Variants in SNTG1 observed in about 807,000 individuals in gnomAD.
The protein encoded by SNTG1 is gamma-1-syntrophin.
A neutral mutation model predicts 74.7 loss-of-function variants in SNTG1; 39 were observed. That is an observed-to-expected ratio of 0.52 (90% CI 0.40 to 0.68). The LOEUF (loss-of-function observed/expected upper bound fraction) is 0.68. Ranked by LOEUF, SNTG1 falls within the 30% of genes least tolerant of loss-of-function variation. The pLI, the probability that SNTG1 is intolerant of heterozygous loss-of-function variation, is 0.00. For missense variants in SNTG1, 685 were observed against 609.5 expected (o/e 1.12, Z -1.30); for synonymous variants, 254 against 217.1 (o/e 1.17, Z -1.49).
intron 1 of SNTG1, among the ~76,000 whole-genome samples, chr8:50,011,001 G>A (rs1197577224): frequency 1.3e-5 from 2 of 151,928 alleles, no homozygotes; most frequent in African/African-American, 4.8e-5. Context: ...GACTTACTGT[G>A]AATGAATAAA....
intron 17 of SNTG1, among the ~76,000 whole-genome samples, chr8:50,742,801 C>T (rs915707166): frequency 4.6e-5 from 7 of 151,498 alleles, no homozygotes; most frequent in Non-Finnish European, 8.8e-5. Flanking sequence ...ATTGTCTCAA[C>T]AAGAAGACCC....
intron 4 of SNTG1, among the ~76,000 whole-genome samples, chr8:50,413,448 A>AT: frequency 6.6e-6 from 1 of 151,982 alleles, no homozygotes; most frequent in East Asian, 1.9e-4. Flanking sequence ...CCATCTATCT[A>AT]TTTTTTCTTT....
intron 1 of SNTG1, among the ~76,000 whole-genome samples, chr8:50,001,012 T>A (rs1045339109): frequency 1.2e-4 from 19 of 152,164 alleles, no homozygotes; most frequent in African/African-American, 4.6e-4. Flanking sequence ...AGGACAATAG[T>A]TGACATGGTA....
At chr8:50,426,867 TTACTA>T (rs2093170186) in intron 4 of SNTG1, among the ~76,000 whole-genome samples, 1 of 152,142 alleles carries the variant, frequency 6.6e-6, no homozygotes, top group Non-Finnish European at 1.5e-5. Context: ...TAATAACTAT[TTACTA>T]TATAGGCTAT....
upstream of SNTG1, chr8:49,909,939 C>G (rs1805497880): frequency 6.6e-6 from 1 of 152,272 alleles, no homozygotes; most frequent in Admixed American, 6.5e-5. Flanking sequence ...GTTTTCCGTC[C>G]CGAGTGATTC....
chr8:50,515,882 C>A (rs990854496), intron 9 of SNTG1, among the ~76,000 whole-genome samples: 1 of 152,146 alleles, frequency 6.6e-6, no homozygotes, highest in East Asian at 1.9e-4. Flanking sequence ...ACGGCTTCAG[C>A]AGACTTAAAC....
At chr8:50,231,208 T>C (rs1457571406) in intron 2 of SNTG1, among the ~76,000 whole-genome samples, 1 of 151,030 alleles carries the variant, frequency 6.6e-6, no homozygotes. Flanking sequence ...ATTAGAATGG[T>C]TGTTATTAAA....
intron 4 of SNTG1, among the ~76,000 whole-genome samples, chr8:50,410,359 A>G (rs971342602): frequency 1.3e-5 from 2 of 152,132 alleles, no homozygotes; most frequent in South Asian, 2.1e-4. Flanking sequence ...GTACACACAC[A>G]TGCACAAAAT....
chr8:50,309,449 G>T (rs1323663601), intron 2 of SNTG1, among the ~76,000 whole-genome samples: 1 of 152,034 alleles, frequency 6.6e-6, no homozygotes, highest in Non-Finnish European at 1.5e-5. Flanking sequence ...GGCCCACATA[G>T]TTAAATGCAA....
intron 15 of SNTG1, among the ~76,000 whole-genome samples, chr8:50,694,800 C>T (rs539133674): frequency 6.5e-4 from 99 of 151,358 alleles, no homozygotes; most frequent in African/African-American, 2.0e-3. Flanking sequence ...AAATGGGATA[C>T]GCCACATTAA....
chr8:50,059,981 C>G (rs751085226), intron 1 of SNTG1, among the ~76,000 whole-genome samples: 1 of 152,058 alleles, frequency 6.6e-6, no homozygotes, highest in Non-Finnish European at 1.5e-5. Context: ...GATGAGTGTT[C>G]CAGTTTCTCA....
At chr8:50,375,585 C>T (rs1199131162) in intron 2 of SNTG1, among the ~76,000 whole-genome samples, 1 of 152,154 alleles carries the variant, frequency 6.6e-6, no homozygotes, top group Non-Finnish European at 1.5e-5. Flanking sequence ...GTAGTGTCAA[C>T]TTTACAATCC....
chr8:50,597,684 A>C (rs1347654383), intron 13 of SNTG1, among the ~76,000 whole-genome samples: 1 of 151,936 alleles, frequency 6.6e-6, no homozygotes, highest in African/African-American at 2.4e-5. Flanking sequence ...AGTACAAAAG[A>C]GTTGCCCTTT....
Position 50,545,261 on chromosome 8 carries a change from A to G in SNTG1, c.681-7789A>G, listed in dbSNP as rs192361579. Among the ~76,000 whole-genome samples, 813 of 151,766 alleles carry G rather than the reference A, an allele frequency of 5.4e-3. 10 individuals carry two copies. Among genetic ancestry groups the G allele is most frequent in the African/African-American group, 0.018 (748 of 41,478 alleles). On this transcript the variant is annotated intron_variant, in intron 11 of 18. Coordinates refer to ENST00000642720, the MANE Select transcript of SNTG1 (RefSeq NM_018967.5). Reference sequence around the variant, plus strand: ...TCATGATATTTTTATCAGTAATAATACAGTTTATATTTATCATAATGTAAT... The same window carrying G: ...TCATGATATTTTTATCAGTAATAATGCAGTTTATATTTATCATAATGTAAT...
chr8:50,580,121 A>G (rs2094600860), intron 12 of SNTG1, among the ~76,000 whole-genome samples: 1 of 152,246 alleles, frequency 6.6e-6, no homozygotes, highest in Non-Finnish European at 1.5e-5. Flanking sequence ...TGGATGTGAG[A>G]CATTGAGTCA....
At chr8:50,051,239 G>GACACACACACAC (rs145739550) in intron 1 of SNTG1, among the ~76,000 whole-genome samples, 201 of 147,216 alleles carry the variant, frequency 1.4e-3, no homozygotes, top group Middle Eastern at 3.5e-3. Flanking sequence ...AGAAAATCTT[G>GACACACACACAC]ACACACACAC....
chr8:50,062,054 T>C (rs1820520037), intron 1 of SNTG1, among the ~76,000 whole-genome samples: 1 of 152,220 alleles, frequency 6.6e-6, no homozygotes, highest in South Asian at 2.1e-4. Context: ...TTGTGTTTTT[T>C]TGTTTTTGAG....
intron 1 of SNTG1, among the ~76,000 whole-genome samples, chr8:50,128,231 GAT>G (rs2081207400): frequency 6.6e-6 from 1 of 152,028 alleles, no homozygotes; most frequent in African/African-American, 2.4e-5. Flanking sequence ...CTCCATTACT[GAT>G]GGTGAACAGG....
At position 50,658,775 on chromosome 8, in the gene SNTG1, C is replaced by T. The variant is rs139224420; in HGVS notation, c.1038+112C>T. 767 of 651,770 alleles carry T rather than the reference C, an allele frequency of 1.2e-3. 4 individuals are homozygous for T. Among genetic ancestry groups the T allele is most frequent in the South Asian group, 1.8e-3 (83 of 46,124 alleles). 40.4% of individuals were successfully genotyped at this position (651,770 alleles called of 1,614,324 possible). A position where few individuals can be genotyped will look rare whatever the true frequency, so the allele number is the denominator to read the frequency against. On this transcript the variant is annotated intron_variant, in intron 15 of 18. Coordinates refer to ENST00000642720, the MANE Select transcript of SNTG1 (RefSeq NM_018967.5). The stretch of plus-strand genomic sequence containing the variant: ...CATTCATGGAATGAAAGAAGAGACA[C>T]GATAAAGACAAATGAAAGAGAAAGA...
Sources: allele counts gnomAD v4.1 joint callset (sites outside exome capture counted in the v4.1 genomes callset), GRCh38; gene constraint gnomAD v4.1.1; transcripts MANE v1.5; gene names NCBI Gene and HGNC (gene_info 2026-07-23, HGNC 2026-07-21).